TRAPPC10: variants seen among roughly 807,000 people sequenced by gnomAD.
TRAPPC10 encodes trafficking protein particle complex subunit 10, also known as TRAPP 130 kDa subunit.
A neutral mutation model predicts 125.5 loss-of-function variants in TRAPPC10; 23 were observed. That is an observed-to-expected ratio of 0.18 (90% CI 0.13 to 0.26). The LOEUF (loss-of-function observed/expected upper bound fraction) is 0.26, where lower values mean the gene tolerates loss of function less well. Among genes scored for constraint, TRAPPC10 ranks in the 10% least tolerant of loss-of-function variants. The probability of loss-of-function intolerance (pLI) is 1.00; values close to 1 mark genes in which losing one functional copy is unlikely to be tolerated. For missense variants in TRAPPC10, 1,123 were observed against 1,308.4 expected, an observed-to-expected ratio of 0.86 and a Z score of 2.19; for synonymous variants, 509 against 518.0, an observed-to-expected ratio of 0.98 and a Z score of 0.24.
At chr21:44,046,944 G>T (rs2145796877) in intron 3 of TRAPPC10, 2 of 831,504 alleles carry the variant, frequency 2.4e-6, no homozygotes, top group East Asian at 2.8e-5. Flanking sequence ...AGGTGTCGAT[G>T]AATATGGCCC....
In TRAPPC10 at chr21:44,063,189, C is replaced by A; in HGVS notation, c.791-349C>A. 1 of 1,285,972 alleles carries A rather than the reference C, an allele frequency of 7.8e-7. No homozygotes were observed. The highest frequency in any genetic ancestry group is 1.0e-6 in the Non-Finnish European group (1 of 988,850). The allele number at this position is 1,285,972 out of a possible 1,614,324, so 79.7% of individuals were successfully genotyped here. A position where few individuals can be genotyped will look rare whatever the true frequency, so the allele number is the denominator to read the frequency against. ...CACAGGTAAAGATAAGGAAGCCCAG[C>A]CCCGCTGCAGCCTAAGACTAGAGCC... On this transcript the variant is annotated intron_variant, in intron 6 of 22. Coordinates refer to ENST00000291574, the MANE Select transcript of TRAPPC10 (RefSeq NM_003274.5). The surrounding 1 kb of genome is among the most constrained non-coding windows in gnomAD (Gnocchi z 4.4).
Position 44,059,058 on chromosome 21 carries a change from G to A in TRAPPC10, c.679-45G>A, listed in dbSNP as rs2035836995. The A allele has an allele frequency of 1.4e-6, 2 of 1,463,998 alleles. No individual in the cohort carries two copies. The highest frequency in any genetic ancestry group is 1.4e-5 in the African/African-American group (1 of 70,874). The allele number at this position is 1,463,998 out of a possible 1,614,324, so 90.7% of individuals were successfully genotyped here. A position where few individuals can be genotyped will look rare whatever the true frequency, so the allele number is the denominator to read the frequency against. ...CTACATACTGTTTCTTCTATACATT[G>A]ATTTATGTTTTTGTTTTTTTAAAAA... On this transcript the variant is annotated intron_variant, in intron 5 of 22. Coordinates refer to ENST00000291574, the MANE Select transcript of TRAPPC10 (RefSeq NM_003274.5). The surrounding 1 kb of genome is among the most constrained non-coding windows in gnomAD (Gnocchi z 4.4).
At chr21:44,051,970 CA>C (rs1601669390) in intron 3 of TRAPPC10, among the ~76,000 whole-genome samples, 1 of 152,184 alleles carries the variant, frequency 6.6e-6, no homozygotes, top group African/African-American at 2.4e-5. Flanking sequence ...ACTTGCCTAA[CA>C]GACAGTATTG....
chr21:44,045,968 T>C (rs532668057), intron 3 of TRAPPC10, among the ~76,000 whole-genome samples: 1 of 152,212 alleles, frequency 6.6e-6, no homozygotes, highest in African/African-American at 2.4e-5. Context: ...TTTTTTCTTT[T>C]TTGTGGGGGT....
At chr21:44,033,340 G>A (rs1329462299) in intron 2 of TRAPPC10, among the ~76,000 whole-genome samples, 1 of 152,142 alleles carries the variant, frequency 6.6e-6, no homozygotes, top group Non-Finnish European at 1.5e-5. Context: ...TCTAATTTCT[G>A]TGCTGATTAT....
intron 1 of TRAPPC10, among the ~76,000 whole-genome samples, chr21:44,027,040 A>G (rs1276532399): frequency 6.6e-6 from 1 of 152,204 alleles, no homozygotes; most frequent in African/African-American, 2.4e-5. Context: ...GAAACACTCC[A>G]CATGTCTCCA....
At chr21:44,015,759 C>T (rs779091350) in intron 1 of TRAPPC10, among the ~76,000 whole-genome samples, 2 of 152,040 alleles carry the variant, frequency 1.3e-5, no homozygotes, top group African/African-American at 2.4e-5. Flanking sequence ...GGATTACAGG[C>T]GTACACCACC....
intron 13 of TRAPPC10, 37 bp downstream of exon 13, chr21:44,080,164 T>G: frequency 1.3e-6 from 2 of 1,531,956 alleles, no homozygotes; most frequent in Non-Finnish European, 1.8e-6. Flanking sequence ...AGGAATATTT[T>G]CAAATATTAC....
chr21:44,083,372 C>T lies in TRAPPC10; in HGVS notation c.2238+70C>T, dbSNP rs1389771804. ...GGGCCGTGGAGCTTACAAGAACTGT[C>T]TGGAGTGTGCTGTGAATTGAGTAGA... On this transcript the variant is annotated intron_variant, in intron 14 of 22. Transcript: ENST00000291574. 10 of 1,522,064 alleles carry T rather than the reference C, an allele frequency of 6.6e-6. No homozygotes were observed. In the Admixed American group the frequency reaches 1.4e-4, roughly 21 times the overall value. The allele number at this position is 1,522,064 out of a possible 1,614,324, so 94.3% of individuals were successfully genotyped here.
At chr21:44,047,934 C>T (rs2034970164) in intron 3 of TRAPPC10, among the ~76,000 whole-genome samples, 1 of 152,084 alleles carries the variant, frequency 6.6e-6, no homozygotes, top group African/African-American at 2.4e-5. Flanking sequence ...ATTGATTTTT[C>T]CTTTTGAGTA....
At chr21:44,080,686 C>T (rs951491620) in intron 13 of TRAPPC10, among the ~76,000 whole-genome samples, 3 of 151,820 alleles carry the variant, frequency 2.0e-5, no homozygotes, top group Admixed American at 1.3e-4. Flanking sequence ...TACGTGCGCC[C>T]GCCACCATGC....
At chr21:44,070,307 A>C (rs1328011130) in intron 7 of TRAPPC10, among the ~76,000 whole-genome samples, 5 of 152,270 alleles carry the variant, frequency 3.3e-5, no homozygotes, top group African/African-American at 4.8e-5. Flanking sequence ...AGGGACTTTA[A>C]GGAAAATTAA....
chr21:44,019,463 C>CA (rs1467683498), intron 1 of TRAPPC10, among the ~76,000 whole-genome samples: 1 of 152,196 alleles, frequency 6.6e-6, no homozygotes, highest in Non-Finnish European at 1.5e-5. Flanking sequence ...CTTTCTTCCT[C>CA]AAATCTTTCC....
intron 5 of TRAPPC10, among the ~76,000 whole-genome samples, chr21:44,057,305 C>T (rs1362344965): frequency 1.4e-5 from 2 of 146,482 alleles, no homozygotes; most frequent in African/African-American, 5.0e-5. Flanking sequence ...CTCTCTCTCT[C>T]TTTTTTTTTT....
rs1196760025 is a variant in TRAPPC10 at position 44,076,597 on chromosome 21, C to T, written c.1346C>T (p.Ser449Leu). The T allele has an allele frequency of 1.2e-6, 2 of 1,614,068 alleles. No homozygotes were observed. Among genetic ancestry groups the T allele is most frequent in the East Asian group, 2.2e-5 (1 of 44,886 alleles). ...TATAAGAAACTGAAAGAAGCATTAT[C>T]GTCAGTGGAAGCTTTTGAAAAACAC... The part of the protein sequence containing the change: ...SPYKKLKEAL[S>L]SVEAFEKHYL... The change falls in exon 10 of 23, where the codon TCG becomes TTG. Residue 449 changes from serine (S) to leucine (L), a missense_variant. Physicochemically the swap from Ser to Leu is moderately radical, Grantham distance 145 (BLOSUM62 -2). Around this residue, in one of 4 missense-constraint regions of TRAPPC10, gnomAD observed 840 missense variants for 902.0 expected, o/e 0.93. Coordinates refer to ENST00000291574, the MANE Select transcript of TRAPPC10 (RefSeq NM_003274.5).
chr21:44,034,492 G>A (rs756564159), intron 2 of TRAPPC10, among the ~76,000 whole-genome samples: 7 of 152,120 alleles, frequency 4.6e-5, no homozygotes, highest in South Asian at 2.1e-4. Context: ...GCTCCGCTCC[G>A]GGAACTCTGT....
At position 44,091,999 on chromosome 21, in the gene TRAPPC10, G is replaced by T. The variant is rs145633595; in HGVS notation, c.2947G>T (p.Gly983Cys). The T allele has an allele frequency of 1.3e-5, 21 of 1,614,006 alleles. No homozygotes were observed. Among genetic ancestry groups the T allele is most frequent in the Non-Finnish European group, 1.6e-5 (19 of 1,180,020 alleles). ...GTCAGATAGTTATCTTGTAGATACC[G>T]GTGATAGTACCGACCTGCAACTAGT... Reference protein sequence around the residue: ...QLSDSYLVDTGDSTDLQLVPL... With the variant: ...QLSDSYLVDTCDSTDLQLVPL... The change falls in exon 19 of 23, where the codon GGT becomes TGT. Residue 983 changes from glycine to cysteine, a missense_variant. Gly to Cys is a radical substitution (Grantham distance 159). This residue lies in a region of TRAPPC10 where 840 missense variants were observed against 902.0 expected (regional missense o/e 0.93). Coordinates refer to ENST00000291574, the MANE Select transcript of TRAPPC10 (RefSeq NM_003274.5).
chr21:44,082,729 G>A lies in TRAPPC10; in HGVS notation c.1724-59G>A. ...GATCTTACTGTGTCCGCGGCCTGCT[G>A]CTGCTTACTGTCAGGAAGTGTGACT... On this transcript the variant is annotated intron_variant, in intron 13 of 22. Coordinates refer to ENST00000291574, the MANE Select transcript of TRAPPC10 (RefSeq NM_003274.5). The surrounding 1 kb of genome is among the most constrained non-coding windows in gnomAD (Gnocchi z 4.4). 2 of 1,589,606 alleles carry A rather than the reference G, an allele frequency of 1.3e-6. No individual in the cohort carries two copies. Among genetic ancestry groups the A allele is most frequent in the Non-Finnish European group, 1.7e-6 (2 of 1,164,546 alleles).
intron 13 of TRAPPC10, among the ~76,000 whole-genome samples, chr21:44,080,538 T>G (rs1162723115): frequency 6.6e-6 from 1 of 151,680 alleles, no homozygotes; most frequent in Non-Finnish European, 1.5e-5. Context: ...CTTTTTCTTC[T>G]TCTTCTTTTT....
Sources: gnomAD v4.1 joint callset for allele counts (sites outside exome capture counted in the v4.1 genomes callset) on GRCh38, gnomAD v4.1.1 for gene constraint, gnomAD v4.1.1 regional missense constraint, Gnocchi (gnomAD v3.1) non-coding constraint, MANE v1.5 for transcripts, NCBI Gene and HGNC (gene_info 2026-07-23, HGNC 2026-07-21) for gene names.